Variants in NFIA observed in about 807,000 individuals in gnomAD.
NFIA encodes the protein nuclear factor 1 A-type.
A neutral mutation model predicts 62.8 loss-of-function variants in NFIA; 8 were observed. The ratio of observed to expected loss-of-function variants is 0.13; its 90% CI spans 0.07 to 0.23. The LOEUF (loss-of-function observed/expected upper bound fraction) is 0.23. Among genes scored for constraint, NFIA ranks in the 10% least tolerant of loss-of-function variants. The pLI, the probability that NFIA is intolerant of heterozygous loss-of-function variation, is 1.00. For synonymous variants in NFIA, 235 were observed against 238.1 expected, an observed-to-expected ratio of 0.99 and a Z score of 0.12; for missense variants, 410 against 642.1, an observed-to-expected ratio of 0.64 and a Z score of 3.91.
chr1:61,410,128 A>G (rs1012306650), intron 9 of NFIA, among the ~76,000 whole-genome samples: 3 of 152,148 alleles, frequency 2.0e-5, no homozygotes, highest in Non-Finnish European at 4.4e-5. Flanking sequence ...GGCAGTTTAC[A>G]CAGGATGACA....
intron 10 of NFIA, among the ~76,000 whole-genome samples, chr1:61,430,966 C>A (rs761759589): frequency 6.6e-6 from 1 of 152,092 alleles, no homozygotes; most frequent in Non-Finnish European, 1.5e-5. Context: ...AAACTGTGGC[C>A]ACTTGTCCCA....
At chr1:61,318,172 A>C (rs1436720156) in intron 3 of NFIA, among the ~76,000 whole-genome samples, 1 of 152,190 alleles carries the variant, frequency 6.6e-6, no homozygotes, top group African/African-American at 2.4e-5. Flanking sequence ...AAACTATGAA[A>C]CTTACTATGT....
chr1:61,275,141 G>C (rs1050284802), intron 2 of NFIA, among the ~76,000 whole-genome samples: 1 of 152,164 alleles, frequency 6.6e-6, no homozygotes, highest in African/African-American at 2.4e-5. Flanking sequence ...TCCAGTGTTT[G>C]TATCTGAGCT....
chr1:61,156,398 C>T (rs910805079), intron 2 of NFIA, among the ~76,000 whole-genome samples: 5 of 152,102 alleles, frequency 3.3e-5, no homozygotes, highest in Non-Finnish European at 5.9e-5. Flanking sequence ...ACCATTGAGA[C>T]GTAGCACTGG....
At chr1:61,303,071 G>A (rs1289603896) in intron 3 of NFIA, among the ~76,000 whole-genome samples, 2 of 152,118 alleles carry the variant, frequency 1.3e-5, no homozygotes, top group Non-Finnish European at 2.9e-5. Flanking sequence ...GGTCACAATT[G>A]CTACTGTTAA....
chr1:61,088,169 C>T lies in NFIA; in HGVS notation c.48C>T (p.Ile16=), dbSNP rs369816351. Residue 16 remains isoleucine (I), a synonymous_variant, in exon 2 of 11, where the codon ATC becomes ATT. Transcript: ENST00000403491. The surrounding 1 kb of genome is among the most constrained non-coding windows in gnomAD (Gnocchi z 4.5). ...CLTQDEFHPF[I]EALLPHVRAF... The stretch of plus-strand genomic sequence containing the variant: ...CCTAGGATGAATTTCATCCTTTCAT[C>T]GAAGCACTTCTGCCCCACGTCCGAG... 4.4e-5 allele frequency: 71 copies of T among 1,602,456 alleles called. No individual in the cohort carries two copies. Among genetic ancestry groups the T allele is most frequent in the Non-Finnish European group, 5.4e-5 (64 of 1,175,650 alleles).
chr1:61,291,406 T>G (rs148056021), intron 3 of NFIA, among the ~76,000 whole-genome samples: 4 of 152,324 alleles, frequency 2.6e-5, no homozygotes, highest in Non-Finnish European at 5.9e-5. Context: ...CACATGTAAG[T>G]GTGTAGAACA....
intron 2 of NFIA, among the ~76,000 whole-genome samples, chr1:61,128,962 G>T (rs1471242887): frequency 2.7e-5 from 3 of 109,130 alleles, no homozygotes; most frequent in Admixed American, 2.9e-4. Flanking sequence ...TTGCTCTGTC[G>T]CCCAGGCTGG....
chr1:61,374,194 A>G (rs1384947196), intron 6 of NFIA, among the ~76,000 whole-genome samples: 2 of 152,202 alleles, frequency 1.3e-5, no homozygotes, highest in Non-Finnish European at 2.9e-5. Context: ...ACATTATGCT[A>G]TTTTATACTA....
chr1:61,434,620 C>A (rs905830021), intron 10 of NFIA, among the ~76,000 whole-genome samples: 4 of 152,154 alleles, frequency 2.6e-5, no homozygotes, highest in African/African-American at 9.6e-5. Flanking sequence ...TCTCTCAGTT[C>A]CTGTTCTTCC....
upstream of NFIA, chr1:61,077,459 C>T: frequency 3.9e-6 from 2 of 511,324 alleles, no homozygotes; most frequent in Non-Finnish European, 6.4e-6. Flanking sequence ...AAAAAAAATT[C>T]TCCAAGAAGC....
At chr1:61,145,776 A>C (rs1356374522) in intron 2 of NFIA, among the ~76,000 whole-genome samples, 1 of 152,076 alleles carries the variant, frequency 6.6e-6, no homozygotes, top group Non-Finnish European at 1.5e-5. Context: ...TTCTGCTTTA[A>C]ATTTTATTGG....
chr1:61,197,313 A>G (rs2100583910), intron 2 of NFIA, among the ~76,000 whole-genome samples: 1 of 136,676 alleles, frequency 7.3e-6, no homozygotes, highest in South Asian at 2.2e-4. Context: ...ATCTCGGCTC[A>G]CTGCAACCTT....
intron 3 of NFIA, among the ~76,000 whole-genome samples, chr1:61,285,176 T>C (rs1658406475): frequency 6.6e-6 from 1 of 152,108 alleles, no homozygotes; most frequent in Admixed American, 6.5e-5. Flanking sequence ...GATCTAAGCC[T>C]GGAACTAGTA....
At chr1:61,190,261 A>G (rs1188448072) in intron 2 of NFIA, among the ~76,000 whole-genome samples, 1 of 152,186 alleles carries the variant, frequency 6.6e-6, no homozygotes, top group African/African-American at 2.4e-5. Flanking sequence ...ATCAGAATAG[A>G]TTCCATCTCC....
chr1:61,210,396 G>A (rs977657166), intron 2 of NFIA, among the ~76,000 whole-genome samples: 1 of 152,132 alleles, frequency 6.6e-6, no homozygotes, highest in South Asian at 2.1e-4. Flanking sequence ...AGGCTTTAAT[G>A]TACTTTTTTC....
chr1:61,150,749 C>A (rs968055588), intron 2 of NFIA, among the ~76,000 whole-genome samples: 5 of 152,198 alleles, frequency 3.3e-5, no homozygotes, highest in Non-Finnish European at 4.4e-5. Context: ...ATCGAATACT[C>A]TTCTGTGGGC....
At chr1:61,161,595 AC>A (rs1649209366) in intron 2 of NFIA, among the ~76,000 whole-genome samples, 2 of 130,332 alleles carry the variant, frequency 1.5e-5, no homozygotes, top group African/African-American at 7.1e-5. Context: ...CAACACACAC[AC>A]ACACACACAC....
intron 7 of NFIA, among the ~76,000 whole-genome samples, chr1:61,401,948 T>C (rs111531376): frequency 6.6e-6 from 1 of 152,144 alleles, no homozygotes; most frequent in African/African-American, 2.4e-5. Flanking sequence ...ATTTAACTTT[T>C]TAGCTTGTGG....
Sources: allele counts gnomAD v4.1 joint callset (sites outside exome capture counted in the v4.1 genomes callset), GRCh38; gene constraint gnomAD v4.1.1; non-coding constraint Gnocchi (gnomAD v3.1); transcripts MANE v1.5; gene names NCBI Gene and HGNC (gene_info 2026-07-23, HGNC 2026-07-21).